Variants in MROH1 observed in about 807,000 individuals in gnomAD.
MROH1 encodes maestro heat-like repeat-containing protein family member 1.
MROH1 carries 117 observed loss-of-function variants against 116.5 expected under a neutral mutation model. That is an observed-to-expected ratio of 1.00 (90% CI 0.86 to 1.17). The LOEUF (loss-of-function observed/expected upper bound fraction) is 1.17. Among genes scored for constraint, MROH1 ranks in the 50% most tolerant of loss-of-function variants. The pLI is 0.00. For synonymous variants in MROH1, 921 were observed against 583.9 expected (o/e 1.58, Z -8.32); for missense variants, 1,873 against 1,338.5 (o/e 1.40, Z -6.23).
chr8:144,150,104 T>G (rs1032978345), intron 1 of MROH1, among the ~76,000 whole-genome samples: 2 of 152,036 alleles, frequency 1.3e-5, no homozygotes, highest in Non-Finnish European at 2.9e-5. Flanking sequence ...GCACACCCCC[T>G]CCTAACCCTT....
Position 144,180,279 on chromosome 8 carries a change from C to T in MROH1, c.402C>T (p.His134=). The change falls in exon 6 of 44, where the codon CAC becomes CAT. Residue 134 remains histidine, a synonymous_variant. Coordinates refer to ENST00000326134, the MANE Select transcript of MROH1 (RefSeq NM_032450.3). The surrounding 1 kb of genome is among the most constrained non-coding windows in gnomAD (Gnocchi z 7.4). ...TGGAGGAGCTGCTGCGCAGGCTGCA[C>T]CCTGGGACCCTGCCACACTGCGCCG... ...KVMEELLRRL[H]PGTLPHCAVL... 3 of 1,609,610 alleles carry T rather than the reference C, an allele frequency of 1.9e-6. No individual in the cohort carries two copies. Among genetic ancestry groups the T allele is most frequent in the Non-Finnish European group, 2.5e-6 (3 of 1,179,636 alleles).
rs1385971136 is a variant in MROH1, at chr8:144,250,375, C to G, written c.3428+9C>G. On this transcript the variant is annotated intron_variant, in intron 33 of 43. Transcript: ENST00000326134. ...CCCTTGCCCTTGGACAGGTACCCAGCTCAGACTCCAGGCTTAGGGGTCCCT... is the reference window on the plus strand; with the variant it reads ...CCCTTGCCCTTGGACAGGTACCCAGGTCAGACTCCAGGCTTAGGGGTCCCT... 1.6e-5 allele frequency: 12 copies of G among 759,026 alleles called. No homozygotes were observed. The highest frequency in any genetic ancestry group is 1.7e-5 in the African/African-American group (1 of 58,788). 47.0% of individuals were successfully genotyped at this position (759,026 alleles called of 1,614,324 possible).
chr8:144,245,968 A>C (rs1046797426), intron 29 of MROH1, among the ~76,000 whole-genome samples: 2 of 151,628 alleles, frequency 1.3e-5, no homozygotes, highest in Non-Finnish European at 1.5e-5. Context: ...GAGCCACTGC[A>C]CCTGGCCTTT....
chr8:144,157,009 G>T (rs1395214375), intron 1 of MROH1, among the ~76,000 whole-genome samples: 1 of 151,832 alleles, frequency 6.6e-6, no homozygotes, highest in East Asian at 2.0e-4. Flanking sequence ...AGGCTGGAGC[G>T]CAGTGGCGTG....
intron 22 of MROH1, 48 bp downstream of exon 22, chr8:144,241,565 G>T: frequency 1.3e-6 from 1 of 776,132 alleles, no homozygotes; most frequent in Non-Finnish European, 2.4e-6. Context: ...CTATCCACAA[G>T]TTTGAGGCTC....
At chr8:144,171,858 C>T (rs1231067432) in intron 4 of MROH1, among the ~76,000 whole-genome samples, 2 of 152,204 alleles carry the variant, frequency 1.3e-5, no homozygotes, top group Admixed American at 6.5e-5. Flanking sequence ...TACTCTAACA[C>T]CCTCTTGTCC....
intron 24 of MROH1, among the ~76,000 whole-genome samples, chr8:144,242,905 G>A (rs1391693766): frequency 6.8e-6 from 1 of 146,780 alleles, no homozygotes; most frequent in Non-Finnish European, 1.5e-5. Context: ...ACCCGTCCCA[G>A]GACAGCTGGA....
At chr8:144,171,524 A>G (rs1390924357) in intron 4 of MROH1, among the ~76,000 whole-genome samples, 1 of 152,154 alleles carries the variant, frequency 6.6e-6, no homozygotes, top group East Asian at 1.9e-4. Flanking sequence ...TTACCAGCCA[A>G]GTGTTTCTAG....
rs192179098 is a variant in MROH1, at chr8:144,234,433, A to G, written c.1339-4323A>G. Among the ~76,000 whole-genome samples, 12 of 135,922 alleles carry G rather than the reference A, an allele frequency of 8.8e-5. 2 individuals carry two copies. Among genetic ancestry groups the G allele is most frequent in the African/African-American group, 3.3e-4 (12 of 36,300 alleles). The allele number at this position is 135,922 out of a possible 152,430, so 89.2% of individuals were successfully genotyped here. A position where few individuals can be genotyped will look rare whatever the true frequency, so the allele number is the denominator to read the frequency against. ...ATACGTTTTGCACGTTTTTCGTTAGATTTATTCATAAATATTTTACTCTTT... is the reference window on the plus strand; with the variant it reads ...ATACGTTTTGCACGTTTTTCGTTAGGTTTATTCATAAATATTTTACTCTTT... On this transcript the variant is annotated intron_variant, in intron 14 of 43. Coordinates refer to ENST00000326134, the MANE Select transcript of MROH1 (RefSeq NM_032450.3).
Position 144,239,109 on chromosome 8 carries a change from C to A in MROH1, c.1521C>A (p.Ser507Arg), listed in dbSNP as rs1016364047. The A allele has an allele frequency of 6.4e-6, 5 of 775,426 alleles. No homozygotes were observed. Among genetic ancestry groups the A allele is most frequent in the African/African-American group, 3.4e-5 (2 of 59,254 alleles). 48.0% of individuals were successfully genotyped at this position (775,426 alleles called of 1,614,324 possible). A position where few individuals can be genotyped will look rare whatever the true frequency, so the allele number is the denominator to read the frequency against. ...GGGCCCTGACTCCGCTCTGCAGGAG[C>A]CTCGTGCATCTGGCGCAGAAGAGGC... ...FTGALTPLCR[S>R]LVHLAQKRQE... The change falls in exon 16 of 44, where the codon AGC becomes AGA. Residue 507 changes from serine to arginine, a missense_variant. Ser to Arg is a moderately radical substitution (Grantham distance 110). Coordinates refer to ENST00000326134, the MANE Select transcript of MROH1 (RefSeq NM_032450.3).
intron 1 of MROH1, among the ~76,000 whole-genome samples, chr8:144,152,693 C>T (rs1043190378): frequency 1.4e-4 from 22 of 152,192 alleles, no homozygotes; most frequent in African/African-American, 4.6e-4. Context: ...ACTACAGGCG[C>T]CCGCCACCAC....
intron 7 of MROH1, among the ~76,000 whole-genome samples, chr8:144,181,015 ACT>A (rs1825488416): frequency 6.6e-6 from 1 of 152,086 alleles, no homozygotes; most frequent in Non-Finnish European, 1.5e-5. Context: ...TTCCCCTGCC[ACT>A]GACAGTGGGG....
chr8:144,237,780 G>A (rs901848380), intron 14 of MROH1, among the ~76,000 whole-genome samples: 5 of 152,110 alleles, frequency 3.3e-5, no homozygotes, highest in Non-Finnish European at 7.4e-5. Flanking sequence ...TTTCCCCGTT[G>A]TGGTTCCTTG....
chr8:144,234,763 C>T (rs1839746023), intron 14 of MROH1, among the ~76,000 whole-genome samples: 1 of 150,854 alleles, frequency 6.6e-6, no homozygotes, highest in Non-Finnish European at 1.5e-5. Flanking sequence ...AGCCATCTAC[C>T]CACCTTGGCC....
At chr8:144,228,244 A>T (rs1245630074) in intron 14 of MROH1, among the ~76,000 whole-genome samples, 3 of 152,216 alleles carry the variant, frequency 2.0e-5, no homozygotes, top group Non-Finnish European at 2.9e-5. Flanking sequence ...AAAAGAAGTT[A>T]TGTTTACACT....
rs1031569647 is a variant in MROH1 at position 144,182,230 on chromosome 8, G to A, written c.562+1707G>A. On this transcript the variant is annotated intron_variant, in intron 7 of 43. Transcript: ENST00000326134. The surrounding 1 kb of genome is among the most constrained non-coding windows in gnomAD (Gnocchi z 4.1). ...CAGGTCCAGCCAGGACAGGCAGTGT[G>A]CCAAGGACAGGAGTGCCCTCAGGGC... Among the ~76,000 whole-genome samples the A allele has an allele frequency of 6.6e-6, 1 of 152,210 alleles. No individual in the cohort carries two copies. Among genetic ancestry groups the A allele is most frequent in the African/African-American group, 2.4e-5 (1 of 41,458 alleles).
intron 7 of MROH1, among the ~76,000 whole-genome samples, chr8:144,185,277 AG>A (rs1363547110): frequency 1.3e-5 from 2 of 152,138 alleles, no homozygotes; most frequent in Admixed American, 6.5e-5. Flanking sequence ...TGTATGTGTC[AG>A]GCCGTTGCAA....
At chr8:144,156,241 G>GAAA (rs1218482716) in intron 1 of MROH1, among the ~76,000 whole-genome samples, 4 of 58,500 alleles carry the variant, frequency 6.8e-5, no homozygotes, top group Non-Finnish European at 8.5e-5. Context: ...CCGTCTCAAA[G>GAAA]AAAAAAAAAA....
intron 12 of MROH1, among the ~76,000 whole-genome samples, chr8:144,210,299 G>A (rs965954197): frequency 2.6e-5 from 4 of 151,964 alleles, no homozygotes; most frequent in Non-Finnish European, 5.9e-5. Context: ...ATTAGCCAGC[G>A]TGGTGGCAGG....
Sources: allele counts gnomAD v4.1 joint callset (sites outside exome capture counted in the v4.1 genomes callset), GRCh38; gene constraint gnomAD v4.1.1; non-coding constraint Gnocchi (gnomAD v3.1); transcripts MANE v1.5; gene names NCBI Gene and HGNC (gene_info 2026-07-23, HGNC 2026-07-21).